PMM1: variants seen among roughly 807,000 people sequenced by gnomAD.
PMM1 encodes brain glucose-1,6-bisphosphatase.
A neutral mutation model predicts 34.0 loss-of-function variants in PMM1; 25 were observed. That is an observed-to-expected ratio of 0.73 (90% CI 0.54 to 1.03). The LOEUF (loss-of-function observed/expected upper bound fraction) is 1.03, where lower values mean the gene tolerates loss of function less well. Ranked by LOEUF, PMM1 falls within the 50% of genes least tolerant of loss-of-function variation. The pLI is 0.00. For missense variants in PMM1, 321 were observed against 350.1 expected (o/e 0.92, Z 0.66); for synonymous variants, 134 against 143.9 (o/e 0.93, Z 0.49).
intron 1 of PMM1, among the ~76,000 whole-genome samples, chr22:41,588,386 A>AT (rs1395490555): frequency 2.0e-5 from 3 of 152,140 alleles, no homozygotes; most frequent in Non-Finnish European, 4.4e-5. Context: ...CGCCTGGCTA[A>AT]TTTTTTGTAT....
At chr22:41,579,197 G>A (rs1040194546) in intron 5 of PMM1, 9 of 357,034 alleles carry the variant, frequency 2.5e-5, no homozygotes, top group African/African-American at 1.6e-4. Flanking sequence ...TCCCACATCA[G>A]TGTCCACCTC....
intron 5 of PMM1, among the ~76,000 whole-genome samples, chr22:41,582,731 C>G (rs1003468156): frequency 6.6e-6 from 1 of 151,930 alleles, no homozygotes; most frequent in Non-Finnish European, 1.5e-5. Context: ...AGGGGAGGGA[C>G]GAGCTGGGCC....
At position 41,577,384 on chromosome 22, in the gene PMM1, C is replaced by T; in HGVS notation, c.723G>A (p.Val241=). The part of the protein sequence containing the change: ...ADPRTVGHSV[V]SPQDTVQRCR... ...ATCGCTGCACCGTGTCCTGAGGAGA[C>T]ACCACGCTGTGGCCAACAGTCCGGG... Residue 241 remains valine, a synonymous_variant, in exon 8 of 8, where the codon GTG becomes GTA. Coordinates refer to ENST00000216259, the MANE Select transcript of PMM1 (RefSeq NM_002676.3). The T allele has an allele frequency of 3.1e-6, 5 of 1,612,976 alleles. No homozygotes were observed. The South Asian group carries it at 3.3e-5, about 11-fold the overall frequency.
rs552601145 is a variant in PMM1 at position 41,586,469 on chromosome 22, A to C, written c.88-276T>G. The C allele has an allele frequency of 3.2e-5, 15 of 467,534 alleles. No individual in the cohort carries two copies. The South Asian group carries it at 5.5e-4, about 17-fold the overall frequency. The allele number at this position is 467,534 out of a possible 1,614,324, so 29.0% of individuals were successfully genotyped here. A position where few individuals can be genotyped will look rare whatever the true frequency, so the allele number is the denominator to read the frequency against. On this transcript the variant is annotated intron_variant, in intron 1 of 7. Transcript: ENST00000216259. Reference sequence around the variant, plus strand: ...GAAGACATTGTCTCTATGAAAAAAAAAATTTTTTTGGAGACGAATTTTTGT... The same window carrying C: ...GAAGACATTGTCTCTATGAAAAAAACAATTTTTTTGGAGACGAATTTTTGT...
At chr22:41,587,393 T>G (rs1409817911) in intron 1 of PMM1, among the ~76,000 whole-genome samples, 3 of 142,498 alleles carry the variant, frequency 2.1e-5, no homozygotes, top group Admixed American at 7.3e-5. Context: ...TGAACCGAGA[T>G]CATGCCATCG....
rs2067357726 is a variant in PMM1, at chr22:41,589,699, T to G, written c.87+20A>C. 6.2e-7 allele frequency: 1 copy of G among 1,601,954 alleles called. No homozygotes were observed. Among genetic ancestry groups the G allele is most frequent in the African/African-American group, 1.3e-5 (1 of 74,614 alleles). The stretch of plus-strand genomic sequence containing the variant: ...CCGCGTGACACTCCCGGTGGGAGCT[T>G]CCAATCTTCAGGGTCCTACCTGGCG... On this transcript the variant is annotated intron_variant, in intron 1 of 7. Coordinates refer to ENST00000216259, the MANE Select transcript of PMM1 (RefSeq NM_002676.3).
chr22:41,577,801 C>A lies in PMM1; in HGVS notation c.666+7G>T. On this transcript the variant is annotated splice_region_variant and intron_variant, in intron 7 of 7. Transcript: ENST00000216259. ...GTTAGGGGAAACCTGGGGTGGGCCA[C>A]ACTCACAGGGCTAGTCTCGTTCCCA... 6.2e-7 allele frequency: 1 copy of A among 1,605,628 alleles called. No individual in the cohort carries two copies. Among genetic ancestry groups the A allele is most frequent in the Non-Finnish European group, 8.5e-7 (1 of 1,172,878 alleles).
In PMM1 at chr22:41,584,281, C is replaced by T. The variant is rs376182081; in HGVS notation, c.374G>A (p.Arg125His). ...YMALLRLPKKRGTFIEFRNGM... is the reference protein window; with the variant it reads ...YMALLRLPKKHGTFIEFRNGM... ...GGAGACCAGGCTGGTGGGACCTCACCGCTTCTTGGGCAGCCTGAGCAGGGC... is the reference window on the plus strand; with the variant it reads ...GGAGACCAGGCTGGTGGGACCTCACTGCTTCTTGGGCAGCCTGAGCAGGGC... Residue 125 changes from arginine (R) to histidine (H), a missense_variant and splice_region_variant, in exon 4 of 8, where the codon CGT becomes CAT. Physicochemically the swap from Arg to His is conservative, Grantham distance 29 (BLOSUM62 0). Coordinates refer to ENST00000216259, the MANE Select transcript of PMM1 (RefSeq NM_002676.3). 2.0e-5 allele frequency: 32 copies of T among 1,613,682 alleles called. No individual in the cohort carries two copies. Among genetic ancestry groups the T allele is most frequent in the African/African-American group, 8.0e-5 (6 of 74,908 alleles).
chr22:41,588,684 T>G (rs1210553256), intron 1 of PMM1: 2 of 985,330 alleles, frequency 2.0e-6, no homozygotes, highest in African/African-American at 3.5e-5. Context: ...GCTATCTTCC[T>G]CCCGGATCCA....
At chr22:41,578,933 G>A (rs765040496) in intron 5 of PMM1, 52 bp from the exon 6 acceptor site, 2 of 1,522,606 alleles carry the variant, frequency 1.3e-6, no homozygotes, top group South Asian at 2.3e-5. Flanking sequence ...TGTGTGCCAG[G>A]CCCTGGCTGG....
chr22:41,581,474 T>A, intron 5 of PMM1, among the ~76,000 whole-genome samples: 1 of 152,152 alleles, frequency 6.6e-6, no homozygotes, highest in East Asian at 1.9e-4. Context: ...TGCAACCAAC[T>A]CCCTATGTGA....
Position 41,583,946 on chromosome 22 carries a change from T to C in PMM1, c.474+13A>G, listed in dbSNP as rs2067275985. 1.3e-6 allele frequency: 2 copies of C among 1,547,304 alleles called. No individual in the cohort carries two copies. The highest frequency in any genetic ancestry group is 8.9e-7 in the Non-Finnish European group (1 of 1,119,036). Reference sequence around the variant, plus strand: ...GAGGCCCTACAGGCCTAAGATTGCATAGCTAGTGGTACCTTGTCCAGTTCG... The same window carrying C: ...GAGGCCCTACAGGCCTAAGATTGCACAGCTAGTGGTACCTTGTCCAGTTCG... On this transcript the variant is annotated intron_variant, in intron 5 of 7. Coordinates refer to ENST00000216259, the MANE Select transcript of PMM1 (RefSeq NM_002676.3).
intron 1 of PMM1, chr22:41,589,274 A>G (rs2067351618): frequency 2.1e-6 from 1 of 480,736 alleles, no homozygotes; most frequent in South Asian, 1.6e-5. Context: ...CCACCAGATG[A>G]TGACTGACGC....
chr22:41,587,684 T>C lies in PMM1; in HGVS notation c.88-1491A>G, dbSNP rs911698458. 5.9e-5 allele frequency among the ~76,000 whole-genome samples: 9 copies of C among 152,000 alleles called. No individual in the cohort carries two copies. In the East Asian group the frequency reaches 1.7e-3, roughly 29 times the overall value. On this transcript the variant is annotated intron_variant, in intron 1 of 7. Transcript: ENST00000216259. ...TGATTTTTGAGGAGCCAAAGAACAA[T>C]AACAAAAATAGCCTCACAAAACAAT...
In PMM1 at chr22:41,589,573, G is replaced by A. The variant is rs899115177; in HGVS notation, c.87+146C>T. On this transcript the variant is annotated intron_variant, in intron 1 of 7. Transcript: ENST00000216259. ...CAGGTCCCCTCACTCCCGGTGGGTG[G>A]CCCCGGATGTCAGGGGGCCGGGTAC... is the stretch of plus-strand genomic sequence containing the variant. The A allele has an allele frequency of 1.2e-5, 8 of 672,316 alleles. No homozygotes were observed. In the African/African-American group the frequency reaches 1.4e-4, roughly 12 times the overall value. The allele number at this position is 672,316 out of a possible 1,614,324, so 41.6% of individuals were successfully genotyped here. A position where few individuals can be genotyped will look rare whatever the true frequency, so the allele number is the denominator to read the frequency against.
chr22:41,581,812 C>G (rs1035488202), intron 5 of PMM1, among the ~76,000 whole-genome samples: 2 of 152,114 alleles, frequency 1.3e-5, no homozygotes, highest in African/African-American at 4.8e-5. Flanking sequence ...CATGGTGAAA[C>G]CCCGTCTCTA....
intron 5 of PMM1, among the ~76,000 whole-genome samples, chr22:41,581,850 TTGTGGTGC>T: frequency 6.6e-6 from 1 of 152,088 alleles, no homozygotes. Context: ...TAGCTGGGCA[TTGTGGTGC>T]ATGTAATCCT....
At chr22:41,588,368 T>C (rs746106909) in intron 1 of PMM1, among the ~76,000 whole-genome samples, 2 of 152,210 alleles carry the variant, frequency 1.3e-5, no homozygotes, top group Admixed American at 6.5e-5. Context: ...TACAGGTGCA[T>C]GCCACCACGC....
chr22:41,579,478 C>T (rs764452500), intron 5 of PMM1: 1 of 153,194 alleles, frequency 6.5e-6, no homozygotes, highest in Non-Finnish European at 1.5e-5. Context: ...CCCCGCCAGC[C>T]CCCAGGATCT....
Sources: gnomAD v4.1 joint callset for allele counts (sites outside exome capture counted in the v4.1 genomes callset) on GRCh38, gnomAD v4.1.1 for gene constraint, MANE v1.5 for transcripts, NCBI Gene and HGNC (gene_info 2026-07-23, HGNC 2026-07-21) for gene names.